Variants in HS6ST3 observed in about 807,000 individuals in gnomAD.
HS6ST3 encodes the protein heparan-sulfate 6-O-sulfotransferase 3.
A neutral mutation model predicts 36.7 loss-of-function variants in HS6ST3; 12 were observed. The observed-to-expected ratio is 0.33, with a 90% CI of 0.21 to 0.53. The LOEUF (loss-of-function observed/expected upper bound fraction) is 0.53. HS6ST3 is among the 20% of genes least tolerant of loss of function. The pLI, the probability that HS6ST3 is intolerant of heterozygous loss-of-function variation, is 0.95. For missense variants in HS6ST3, 584 were observed against 640.9 expected, an observed-to-expected ratio of 0.91 and a Z score of 0.96; for synonymous variants, 240 against 257.5, an observed-to-expected ratio of 0.93 and a Z score of 0.65.
At chr13:96,389,702 C>T (rs1238448593) in intron 1 of HS6ST3, among the ~76,000 whole-genome samples, 1 of 151,964 alleles carries the variant, frequency 6.6e-6, no homozygotes, top group Non-Finnish European at 1.5e-5. Flanking sequence ...GGATAAAAGA[C>T]TATTAGAAAT....
At chr13:96,724,887 G>A (rs1012257136) in intron 1 of HS6ST3, among the ~76,000 whole-genome samples, 4 of 152,102 alleles carry the variant, frequency 2.6e-5, no homozygotes, top group African/African-American at 9.7e-5. Context: ...AAATACCTAG[G>A]GATGGAATGA....
At chr13:96,714,473 A>G (rs1339465819) in intron 1 of HS6ST3, among the ~76,000 whole-genome samples, 2 of 152,304 alleles carry the variant, frequency 1.3e-5, no homozygotes, top group Middle Eastern at 3.4e-3. Flanking sequence ...CAAGTTTCCA[A>G]AATTAAAGTT....
chr13:96,108,567 A>G, intron 1 of HS6ST3, among the ~76,000 whole-genome samples: 1 of 152,132 alleles, frequency 6.6e-6, no homozygotes, highest in East Asian at 1.9e-4. Context: ...CGGGGGCATC[A>G]TGGAACCTGC....
chr13:96,782,850 C>T (rs1262993140), intron 1 of HS6ST3, among the ~76,000 whole-genome samples: 3 of 152,018 alleles, frequency 2.0e-5, no homozygotes, highest in Non-Finnish European at 4.4e-5. Context: ...GGAAAAGCCT[C>T]CTCCTCCCAG....
chr13:96,251,184 T>G (rs2054606116), intron 1 of HS6ST3, among the ~76,000 whole-genome samples: 1 of 152,208 alleles, frequency 6.6e-6, no homozygotes, highest in Non-Finnish European at 1.5e-5. Context: ...AGGTCTTCGG[T>G]AGAATTCACC....
chr13:96,108,094 C>A (rs563530483), intron 1 of HS6ST3, among the ~76,000 whole-genome samples: 1 of 152,156 alleles, frequency 6.6e-6, no homozygotes, highest in Admixed American at 6.5e-5. Flanking sequence ...CTCTTATTGC[C>A]GAAAACGGGT....
intron 1 of HS6ST3, among the ~76,000 whole-genome samples, chr13:96,726,028 G>T (rs975094400): frequency 6.6e-6 from 1 of 152,030 alleles, no homozygotes; most frequent in Non-Finnish European, 1.5e-5. Context: ...GGTAGAGACC[G>T]GGTTTCGCCA....
intron 1 of HS6ST3, among the ~76,000 whole-genome samples, chr13:96,175,190 G>A (rs1174465438): frequency 6.6e-6 from 1 of 151,954 alleles, no homozygotes; most frequent in East Asian, 1.9e-4. Context: ...TTACGTTTGT[G>A]TAAATGTCTT....
chr13:96,597,448 T>C (rs1302871370), intron 1 of HS6ST3, among the ~76,000 whole-genome samples: 1 of 152,098 alleles, frequency 6.6e-6, no homozygotes, highest in Non-Finnish European at 1.5e-5. Flanking sequence ...GCATTTTTCA[T>C]ATTTTTTGCC....
At chr13:96,146,822 C>T (rs950678610) in intron 1 of HS6ST3, among the ~76,000 whole-genome samples, 4 of 152,072 alleles carry the variant, frequency 2.6e-5, no homozygotes, top group African/African-American at 4.8e-5. Flanking sequence ...TCAGAGAATT[C>T]AGGGGTTAGT....
At chr13:96,429,176 G>A (rs560948644) in intron 1 of HS6ST3, among the ~76,000 whole-genome samples, 54 of 152,310 alleles carry the variant, frequency 3.5e-4, no homozygotes, top group Non-Finnish European at 5.3e-4. Context: ...GTGACCAGCT[G>A]TTTCGAAACT....
chr13:96,417,973 T>G (rs1339526749), intron 1 of HS6ST3, among the ~76,000 whole-genome samples: 3 of 152,146 alleles, frequency 2.0e-5, no homozygotes, highest in Non-Finnish European at 4.4e-5. Context: ...TTGTGTTTAT[T>G]TAATATGTAT....
At chr13:96,463,176 C>T (rs1167456651) in intron 1 of HS6ST3, among the ~76,000 whole-genome samples, 1 of 151,952 alleles carries the variant, frequency 6.6e-6, no homozygotes, top group African/African-American at 2.4e-5. Context: ...GCAGAGAATA[C>T]CCGAGACACC....
intron 1 of HS6ST3, among the ~76,000 whole-genome samples, chr13:96,149,309 A>G (rs2054072890): frequency 6.6e-6 from 1 of 152,186 alleles, no homozygotes; most frequent in South Asian, 2.1e-4. Context: ...GTGTCAAAGG[A>G]CACAAAATGA....
intron 1 of HS6ST3, among the ~76,000 whole-genome samples, chr13:96,718,696 A>T (rs1479213448): frequency 1.3e-5 from 2 of 152,178 alleles, no homozygotes; most frequent in African/African-American, 4.8e-5. Context: ...GACTAATACA[A>T]CTCCCAAAAA....
chr13:96,414,843 CT>C, intron 1 of HS6ST3, among the ~76,000 whole-genome samples: 1 of 152,050 alleles, frequency 6.6e-6, no homozygotes, highest in East Asian at 1.9e-4. Context: ...TAAATATGGG[CT>C]TTTTTTCATT....
chr13:96,613,796 T>G (rs2138990187), intron 1 of HS6ST3, among the ~76,000 whole-genome samples: 1 of 152,288 alleles, frequency 6.6e-6, no homozygotes, highest in South Asian at 2.1e-4. Flanking sequence ...GTCTAGCAAA[T>G]TAATAAAAAG....
chr13:96,595,868 G>T (rs2056399672), intron 1 of HS6ST3, among the ~76,000 whole-genome samples: 2 of 140,744 alleles, frequency 1.4e-5, no homozygotes, highest in South Asian at 2.3e-4. Context: ...GGATTTGTTT[G>T]ATTTAAAAAA....
At chr13:96,544,087 C>T (rs1001893553) in intron 1 of HS6ST3, among the ~76,000 whole-genome samples, 1 of 152,000 alleles carries the variant, frequency 6.6e-6, no homozygotes, top group African/African-American at 2.4e-5. Flanking sequence ...ACCCTACATC[C>T]ACAGAATGGC....
Sources: gnomAD v4.1 joint callset for allele counts (sites outside exome capture counted in the v4.1 genomes callset) on GRCh38, gnomAD v4.1.1 for gene constraint, MANE v1.5 for transcripts, NCBI Gene and HGNC (gene_info 2026-07-23, HGNC 2026-07-21) for gene names.